The following C12orf42 variants were observed in gnomAD, a reference collection of about 807,000 sequenced individuals.
The protein encoded by C12orf42 is chromosome 12 open reading frame 42.
In C12orf42, 25 loss-of-function variants were observed where a neutral mutation model predicts 21.6. The ratio of observed to expected loss-of-function variants is 1.16; its 90% CI spans 0.84 to 1.62. The LOEUF (loss-of-function observed/expected upper bound fraction) is 1.62. Ranked by LOEUF, C12orf42 falls within the 40% of genes most tolerant of loss-of-function variation. The pLI, the probability that C12orf42 is intolerant of heterozygous loss-of-function variation, is 0.00. For missense variants in C12orf42, 483 were observed against 459.3 expected (o/e 1.05, Z -0.47); for synonymous variants, 174 against 175.0 (o/e 0.99, Z 0.05).
the C12orf42 span, among the ~76,000 whole-genome samples, chr12:103,176,961 C>T: frequency 6.6e-6 from 1 of 151,800 alleles, no homozygotes; most frequent in Non-Finnish European, 1.5e-5. Context: ...TTGAAGCCAG[C>T]CATAAAAAAA....
chr12:103,363,697 T>C (rs749528103), intron 4 of C12orf42, among the ~76,000 whole-genome samples: 3 of 151,982 alleles, frequency 2.0e-5, no homozygotes, highest in Non-Finnish European at 4.4e-5. Flanking sequence ...ATAGCTATTG[T>C]TATATCAGAC....
chr12:103,245,204 C>T (rs2136179455), intron 10 of C12orf42, among the ~76,000 whole-genome samples: 1 of 152,174 alleles, frequency 6.6e-6, no homozygotes, highest in Non-Finnish European at 1.5e-5. Flanking sequence ...CAGTTGGAAA[C>T]AGGCAGTGAA....
chr12:103,112,666 CAAT>C, the C12orf42 span, among the ~76,000 whole-genome samples: 1 of 152,128 alleles, frequency 6.6e-6, no homozygotes, highest in South Asian at 2.1e-4. Context: ...GTCTCAAAAA[CAAT>C]AATAATAAAA....
intron 10 of C12orf42, among the ~76,000 whole-genome samples, chr12:103,260,243 A>G (rs2034827408): frequency 6.6e-6 from 1 of 152,222 alleles, no homozygotes. Flanking sequence ...AAAAAACAAC[A>G]AATTTGAAAT....
chr12:103,154,689 C>T, the C12orf42 span, among the ~76,000 whole-genome samples: 1 of 151,446 alleles, frequency 6.6e-6, no homozygotes, highest in Non-Finnish European at 1.5e-5. Flanking sequence ...TATATTTTGC[C>T]GATTTTCTAT....
Position 103,345,371 on chromosome 12 carries a change from T to C in C12orf42, c.259+23516A>G, listed in dbSNP as rs78100975. The stretch of plus-strand genomic sequence containing the variant: ...AGAAAGCACTTAGAAGAGTGCCTGG[T>C]GTATCATAAGGGCTCAGTAAATGTT... On this transcript the variant is annotated intron_variant, in intron 4 of 5. Transcript: ENST00000548883. 3.3e-3 allele frequency among the ~76,000 whole-genome samples: 502 copies of C among 152,344 alleles called. 3 individuals are homozygous for C. The highest frequency in any genetic ancestry group is 0.011 in the African/African-American group (476 of 41,572).
At chr12:103,321,233 A>C (rs1226630027) in intron 4 of C12orf42, among the ~76,000 whole-genome samples, 1 of 151,578 alleles carries the variant, frequency 6.6e-6, no homozygotes, top group Admixed American at 6.6e-5. Context: ...TCAAAAGAAG[A>C]CATTTATGCA....
chr12:103,158,744 G>T, the C12orf42 span, among the ~76,000 whole-genome samples: 2 of 152,122 alleles, frequency 1.3e-5, no homozygotes, highest in African/African-American at 2.4e-5. Context: ...GCTGGGCGTG[G>T]TGGCAGGCGC....
the C12orf42 span, among the ~76,000 whole-genome samples, chr12:103,104,872 C>T: frequency 1.3e-5 from 2 of 152,320 alleles, no homozygotes; most frequent in African/African-American, 2.4e-5. Context: ...AAGGAAAGAA[C>T]GTCATCTTCA....
At chr12:103,484,515 T>C (rs989587051) in intron 1 of C12orf42, among the ~76,000 whole-genome samples, 9 of 152,210 alleles carry the variant, frequency 5.9e-5, no homozygotes, top group African/African-American at 2.2e-4. Context: ...GGTTGTTTTT[T>C]TCTTGTAATT....
the C12orf42 span, among the ~76,000 whole-genome samples, chr12:103,534,224 C>T: frequency 2.6e-5 from 4 of 152,294 alleles, no homozygotes; most frequent in Admixed American, 2.6e-4. Flanking sequence ...CTGCCAATCG[C>T]TGTGTAGAGG....
At chr12:103,260,484 G>A (rs1305868209) in intron 10 of C12orf42, among the ~76,000 whole-genome samples, 1 of 152,182 alleles carries the variant, frequency 6.6e-6, no homozygotes, top group African/African-American at 2.4e-5. Context: ...CTAAGTCATG[G>A]GCATTAAGGC....
chr12:103,524,593 A>G, the C12orf42 span, among the ~76,000 whole-genome samples: 165 of 152,338 alleles, frequency 1.1e-3, 1 homozygote, highest in African/African-American at 3.7e-3. Context: ...CCAGCAACAC[A>G]GTCAGGCTGG....
At chr12:103,439,499 A>C (rs1481144246) in intron 2 of C12orf42, among the ~76,000 whole-genome samples, 1 of 82,490 alleles carries the variant, frequency 1.2e-5, no homozygotes, top group East Asian at 4.2e-4. Flanking sequence ...AATTTTCGCA[A>C]CCTACTCATC....
chr12:103,314,473 G>A (rs1052284371), intron 4 of C12orf42, among the ~76,000 whole-genome samples: 2 of 152,180 alleles, frequency 1.3e-5, no homozygotes, highest in Non-Finnish European at 2.9e-5. Context: ...AGATAAATTT[G>A]ATGAGCTGTA....
chr12:103,249,948 T>A (rs538191708), intron 10 of C12orf42, among the ~76,000 whole-genome samples: 1 of 152,108 alleles, frequency 6.6e-6, no homozygotes, highest in Non-Finnish European at 1.5e-5. Context: ...CCACTAAGGT[T>A]TTTGTTCAAG....
chr12:103,466,163 C>T (rs1423782680), intron 2 of C12orf42, among the ~76,000 whole-genome samples: 3 of 152,140 alleles, frequency 2.0e-5, no homozygotes, highest in South Asian at 2.1e-4. Context: ...GGAATAGTTT[C>T]AGAAGAAATA....
the C12orf42 span, among the ~76,000 whole-genome samples, chr12:103,195,565 T>A: frequency 3.9e-5 from 6 of 152,202 alleles, no homozygotes; most frequent in Non-Finnish European, 8.8e-5. Context: ...CATGTTTTCA[T>A]ATGCTTGTTG....
chr12:103,335,562 C>T (rs1439899831), intron 4 of C12orf42, among the ~76,000 whole-genome samples: 1 of 152,224 alleles, frequency 6.6e-6, no homozygotes, highest in East Asian at 1.9e-4. Flanking sequence ...ATTTCTCCCA[C>T]TTAAGCTTGA....
Sources: allele counts gnomAD v4.1 joint callset (sites outside exome capture counted in the v4.1 genomes callset), GRCh38; gene constraint gnomAD v4.1.1; transcripts MANE v1.5; gene names NCBI Gene and HGNC (gene_info 2026-07-23, HGNC 2026-07-21).